The following TMEM207 variants were observed in gnomAD, a reference collection of about 807,000 sequenced individuals.
TMEM207 encodes the protein SRSR846.
Under a neutral mutation model 17.4 loss-of-function variants are expected in TMEM207, and 15 were observed. That is an observed-to-expected ratio of 0.86 (90% CI 0.58 to 1.33). TMEM207 has a LOEUF of 1.33. Among genes scored for constraint, TMEM207 ranks in the 40% most tolerant of loss-of-function variants. The pLI is 0.00. For synonymous variants in TMEM207, 70 were observed against 65.6 expected (o/e 1.07, Z -0.33); for missense variants, 205 against 173.8 (o/e 1.18, Z -1.01).
chr3:190,435,764 C>T (rs1402125805), intron 4 of TMEM207, among the ~76,000 whole-genome samples: 1 of 152,130 alleles, frequency 6.6e-6, no homozygotes, highest in East Asian at 1.9e-4. Context: ...AACATTAGCC[C>T]GGGAAACACT....
At chr3:190,441,572 G>A in intron 2 of TMEM207, 90 bp from the exon 3 acceptor site, 3 of 1,024,762 alleles carry the variant, frequency 2.9e-6, no homozygotes. Flanking sequence ...GATCACACTT[G>A]TTTCTCCAGA....
chr3:190,440,264 C>T lies in TMEM207; in HGVS notation c.284G>A (p.Gly95Glu). 6.2e-7 allele frequency: 1 copy of T among 1,613,938 alleles called. No homozygotes were observed. Residue 95 changes from glycine (G) to glutamate (E), a missense_variant, in exon 4 of 5, where the codon GGA (glycine) becomes GAA (glutamate). Coordinates refer to ENST00000354905, the MANE Select transcript of TMEM207 (RefSeq NM_207316.3). Reference protein sequence around the residue: ...HRRTMAVFAVGDLDSIYGTEA... With the variant: ...HRRTMAVFAVEDLDSIYGTEA... ...CTCACCATAAATAGAGTCCAAGTCT[C>T]CAACAGCAAAAACTGCCATGGTGCG...
At position 190,438,990 on chromosome 3, in the gene TMEM207, C is replaced by CATCCTGGCTAA. The variant is rs1560107195; in HGVS notation, c.304+1253_304+1254insTTAGCCAGGAT. The stretch of plus-strand genomic sequence containing the variant: ...GGATCACGAGGTCAGGAGATCGAGA[C>CATCCTGGCTAA]CACGGTGAAACCCCGTCTCTACTAA... On this transcript the variant is annotated intron_variant, in intron 4 of 4. Transcript: ENST00000354905. Among the ~76,000 whole-genome samples, 8 of 151,730 alleles carry CATCCTGGCTAA rather than the reference C, an allele frequency of 5.3e-5. No homozygotes were observed. In the East Asian group the frequency reaches 9.7e-4, roughly 18 times the overall value.
At chr3:190,439,325 T>C (rs1372974233) in intron 4 of TMEM207, among the ~76,000 whole-genome samples, 1 of 152,104 alleles carries the variant, frequency 6.6e-6, no homozygotes, top group Non-Finnish European at 1.5e-5. Flanking sequence ...AACAAATTTT[T>C]GTTTATTTTT....
intron 2 of TMEM207, among the ~76,000 whole-genome samples, chr3:190,447,445 C>T (rs991523409): frequency 1.3e-5 from 2 of 152,026 alleles, no homozygotes; most frequent in East Asian, 1.9e-4. Flanking sequence ...CTCCCTTGGT[C>T]ACTGTGATTT....
intron 4 of TMEM207, 67 bp from the exon 5 acceptor site, chr3:190,429,798 C>T: frequency 6.9e-7 from 1 of 1,449,968 alleles, no homozygotes; most frequent in East Asian, 2.5e-5. Context: ...CATGAACTGC[C>T]CGATAAAATC....
chr3:190,443,131 C>G (rs1045878884), intron 2 of TMEM207, among the ~76,000 whole-genome samples: 1 of 148,800 alleles, frequency 6.7e-6, no homozygotes, highest in Non-Finnish European at 1.5e-5. Context: ...GGTGTCCTGA[C>G]ACAATTAAAA....
chr3:190,431,096 T>G (rs1169151054), intron 4 of TMEM207, among the ~76,000 whole-genome samples: 1 of 152,144 alleles, frequency 6.6e-6, no homozygotes, highest in Non-Finnish European at 1.5e-5. Flanking sequence ...ATAAGTCAAG[T>G]ATGTAAAGGG....
chr3:190,429,666 G>A lies in TMEM207; in HGVS notation c.370C>T (p.Pro124Ser). ...GGGCCAAAACATGGAGCAGGAACAG[G>A]ATATAGGTCAGGGGTTTGAGTTTGA... ...HLQTQTPDLYPVPAPCFGPLG... is the reference protein window; with the variant it reads ...HLQTQTPDLYSVPAPCFGPLG... The change falls in exon 5 of 5, where the codon CCT (proline) becomes TCT (serine). Residue 124 changes from proline to serine, a missense_variant. Physicochemically the swap from Pro to Ser is moderately conservative, Grantham distance 74 (BLOSUM62 -1). Transcript: ENST00000354905. 1 of 1,613,550 alleles carries A rather than the reference G, an allele frequency of 6.2e-7. No individual in the cohort carries two copies. The highest frequency in any genetic ancestry group is 8.5e-7 in the Non-Finnish European group (1 of 1,179,660).
chr3:190,438,909 G>T (rs1309831322), intron 4 of TMEM207, among the ~76,000 whole-genome samples: 1 of 152,026 alleles, frequency 6.6e-6, no homozygotes, highest in African/African-American at 2.4e-5. Context: ...ACCATTTCCC[G>T]CCGGGCGCGG....
At position 190,429,711 on chromosome 3, in the gene TMEM207, G is replaced by A. The variant is rs1719649041; in HGVS notation, c.325C>T (p.Pro109Ser). The A allele has an allele frequency of 6.2e-7, 1 of 1,609,232 alleles. No homozygotes were observed. The highest frequency in any genetic ancestry group is 1.7e-5 in the Admixed American group (1 of 59,254). The change falls in exon 5 of 5, where the codon CCA becomes TCA. Residue 109 changes from proline to serine, a missense_variant. Pro to Ser is a moderately conservative substitution (Grantham distance 74, BLOSUM62 -1). Coordinates refer to ENST00000354905, the MANE Select transcript of TMEM207 (RefSeq NM_207316.3). ...GTTTGAAGGTGAATTCCAACAGTTG[G>A]ACTCACAGCTGCTTCTGTCCCTGGA... ...SIYGTEAAVS[P>S]TVGIHLQTQT...
chr3:190,434,855 G>A (rs564335785), intron 4 of TMEM207, among the ~76,000 whole-genome samples: 1 of 152,178 alleles, frequency 6.6e-6, no homozygotes, highest in African/African-American at 2.4e-5. Context: ...ATAGTAAAGG[G>A]AGAAGAAAGA....
At chr3:190,444,465 T>C in intron 2 of TMEM207, 1 of 984,144 alleles carries the variant, frequency 1.0e-6, no homozygotes, top group Non-Finnish European at 1.2e-6. Context: ...ATGAATCCAG[T>C]ATCCCGTGTT....
At chr3:190,446,963 G>A (rs1187556399) in intron 2 of TMEM207, among the ~76,000 whole-genome samples, 7 of 152,096 alleles carry the variant, frequency 4.6e-5, no homozygotes, top group Admixed American at 6.5e-5. Context: ...AATAGCAATC[G>A]AGAGCCATGC....
intron 2 of TMEM207, among the ~76,000 whole-genome samples, chr3:190,442,053 G>GA (rs1719947911): frequency 6.6e-6 from 1 of 152,172 alleles, no homozygotes; most frequent in African/African-American, 2.4e-5. Context: ...CTTCAGTCAG[G>GA]AAGTTGACCC....
chr3:190,440,210 C>CA (rs748646706), intron 4 of TMEM207, 34 bp downstream of exon 4: 2 of 1,577,466 alleles, frequency 1.3e-6, no homozygotes, highest in African/African-American at 2.8e-5. Flanking sequence ...CACAAAGTAT[C>CA]AAAAAAGAGT....
At chr3:190,448,299 G>C (rs1384183434) in intron 1 of TMEM207, among the ~76,000 whole-genome samples, 1 of 152,048 alleles carries the variant, frequency 6.6e-6, no homozygotes, top group Admixed American at 6.6e-5. Context: ...ATTCATGAAA[G>C]GGCGACTTTA....
At chr3:190,439,176 CAAAAAAAAA>C (rs772313119) in intron 4 of TMEM207, among the ~76,000 whole-genome samples, 2 of 58,662 alleles carry the variant, frequency 3.4e-5, no homozygotes, top group African/African-American at 1.4e-4. Flanking sequence ...GACTCCGTCT[CAAAAAAAAA>C]AAAAAAAAAA....
At chr3:190,445,826 A>G (rs1282068210) in intron 2 of TMEM207, among the ~76,000 whole-genome samples, 1 of 152,110 alleles carries the variant, frequency 6.6e-6, no homozygotes, top group Non-Finnish European at 1.5e-5. Flanking sequence ...CGCCCGGTCG[A>G]CCAGTTTTGT....
Sources: gnomAD v4.1 joint callset for allele counts (sites outside exome capture counted in the v4.1 genomes callset) on GRCh38, gnomAD v4.1.1 for gene constraint, MANE v1.5 for transcripts, NCBI Gene and HGNC (gene_info 2026-07-23, HGNC 2026-07-21) for gene names.